Variants in KCNIP3 observed in about 807,000 individuals in gnomAD.
The protein encoded by KCNIP3 is calsenilin.
Under a neutral mutation model 35.0 loss-of-function variants are expected in KCNIP3, and 28 were observed. The observed-to-expected ratio is 0.80, with a 90% CI of 0.59 to 1.10. The LOEUF is 1.10. KCNIP3 is among the 50% of genes least tolerant of loss of function. The pLI, the probability that KCNIP3 is intolerant of heterozygous loss-of-function variation, is 0.00. For missense variants in KCNIP3, 295 were observed against 338.4 expected (o/e 0.87, Z 1.01); for synonymous variants, 134 against 133.8 (o/e 1.00, Z -0.01).
chr2:95,381,771 C>A, intron 6 of KCNIP3, 68 bp downstream of exon 6: 2 of 1,054,994 alleles, frequency 1.9e-6, no homozygotes, highest in Non-Finnish European at 2.9e-6. Flanking sequence ...TCCCGCCGCT[C>A]TTCCTCTCCC....
In KCNIP3 at chr2:95,345,362, C is replaced by G. The variant is rs191073496; in HGVS notation, c.182-28934C>G. Among the ~76,000 whole-genome samples the G allele has an allele frequency of 2.0e-3, 299 of 152,368 alleles. 1 individual carries two copies. Among genetic ancestry groups the G allele is most frequent in the Admixed American group, 3.3e-3 (50 of 15,312 alleles). ...CGGGGGGAGCCCTTTAAGAATCACACGTAAGCTCAAAGGCTTGGCACACGT... is the reference window on the plus strand; with the variant it reads ...CGGGGGGAGCCCTTTAAGAATCACAGGTAAGCTCAAAGGCTTGGCACACGT... On this transcript the variant is annotated intron_variant, in intron 2 of 8. Transcript: ENST00000295225.
chr2:95,364,582 C>A (rs1284940725), intron 2 of KCNIP3, among the ~76,000 whole-genome samples: 1 of 152,174 alleles, frequency 6.6e-6, no homozygotes, highest in Non-Finnish European at 1.5e-5. Flanking sequence ...GGCCCAGCAC[C>A]ATGCTCATGG....
At chr2:95,310,232 G>A (rs773478438) in intron 1 of KCNIP3, 123 bp from the exon 2 acceptor site, 16 of 1,174,846 alleles carry the variant, frequency 1.4e-5, no homozygotes, top group Middle Eastern at 1.9e-4. Flanking sequence ...ATGCAGCCCC[G>A]GAAGGTGAGC....
chr2:95,363,805 G>T (rs1344299940), intron 2 of KCNIP3, among the ~76,000 whole-genome samples: 1 of 152,148 alleles, frequency 6.6e-6, no homozygotes, highest in Admixed American at 6.5e-5. Context: ...GCTATTGTGA[G>T]TGTTTATCTT....
chr2:95,381,944 G>A (rs1285810447), intron 6 of KCNIP3, among the ~76,000 whole-genome samples: 1 of 152,200 alleles, frequency 6.6e-6, no homozygotes, highest in Non-Finnish European at 1.5e-5. Context: ...CTCAGCAAGT[G>A]TTCTCGGTCA....
chr2:95,329,322 G>A (rs532723050), intron 2 of KCNIP3, among the ~76,000 whole-genome samples: 83 of 152,196 alleles, frequency 5.5e-4, no homozygotes, highest in Non-Finnish European at 1.1e-3. Context: ...CTTCGACTAA[G>A]CCAAAGGTCT....
At position 95,382,332 on chromosome 2, in the gene KCNIP3, G is replaced by A; in HGVS notation, c.556-45G>A. The A allele has an allele frequency of 5.8e-6, 8 of 1,390,664 alleles. No homozygotes were observed. Among genetic ancestry groups the A allele is most frequent in the Non-Finnish European group, 7.8e-6 (8 of 1,021,786 alleles). The allele number at this position is 1,390,664 out of a possible 1,614,324, so 86.1% of individuals were successfully genotyped here. On this transcript the variant is annotated intron_variant, in intron 6 of 8. Coordinates refer to ENST00000295225, the MANE Select transcript of KCNIP3 (RefSeq NM_013434.5). The surrounding 1 kb of genome is among the most constrained non-coding windows in gnomAD (Gnocchi z 4.5). ...CGCCCGCTCCCTTTGGGCCCTCACAGCCACCCCGGCCTTGCAGCAGGCTCA... is the reference window on the plus strand; with the variant it reads ...CGCCCGCTCCCTTTGGGCCCTCACAACCACCCCGGCCTTGCAGCAGGCTCA...
intron 2 of KCNIP3, among the ~76,000 whole-genome samples, chr2:95,339,761 C>T (rs1679148574): frequency 2.0e-5 from 3 of 152,144 alleles, no homozygotes; most frequent in Non-Finnish European, 2.9e-5. Flanking sequence ...CTCTTTCCAC[C>T]TCTATTTCCA....
chr2:95,372,671 C>T (rs1005176862), intron 2 of KCNIP3, among the ~76,000 whole-genome samples: 4 of 152,124 alleles, frequency 2.6e-5, no homozygotes, highest in African/African-American at 9.7e-5. Context: ...GGCGTGCAGA[C>T]GTCTGGGCCA....
At chr2:95,315,656 C>A (rs921321204) in intron 2 of KCNIP3, among the ~76,000 whole-genome samples, 1 of 152,228 alleles carries the variant, frequency 6.6e-6, no homozygotes, top group Non-Finnish European at 1.5e-5. Flanking sequence ...CCCTTCTCCA[C>A]GTCCTTCCCC....
intron 2 of KCNIP3, among the ~76,000 whole-genome samples, chr2:95,324,009 A>T (rs1176106069): frequency 6.6e-6 from 1 of 152,108 alleles, no homozygotes; most frequent in African/African-American, 2.4e-5. Flanking sequence ...TGGGGCGGGG[A>T]GGCAGAGGGA....
chr2:95,316,803 T>G (rs565897279), intron 2 of KCNIP3, among the ~76,000 whole-genome samples: 1 of 152,250 alleles, frequency 6.6e-6, no homozygotes, highest in East Asian at 1.9e-4. Flanking sequence ...CTGGTGAAAC[T>G]CAGGAAGAAT....
chr2:95,383,428 C>A, intron 8 of KCNIP3, 134 bp downstream of exon 8: 1 of 879,276 alleles, frequency 1.1e-6, no homozygotes, highest in Non-Finnish European at 1.8e-6. Flanking sequence ...TCCTTGGCCC[C>A]TTGCCACCTC....
rs1357072849 is a variant in KCNIP3, at chr2:95,383,283, G to T, written c.712G>T (p.Ala238Ser). The change falls in exon 8 of 9, where the codon GCC (alanine) becomes TCC (serine). Residue 238 changes from alanine (A) to serine (S), a missense_variant. By Grantham distance (99) the Ala-to-Ser change is moderately conservative. Coordinates refer to ENST00000295225, the MANE Select transcript of KCNIP3 (RefSeq NM_013434.5). Reference sequence around the variant, plus strand: ...AGTGACCATTGAAGAGTTCCTGGAGGCCTGTCAGAAGGTAGGTGGCACGGG... The same window carrying T: ...AGTGACCATTGAAGAGTTCCTGGAGTCCTGTCAGAAGGTAGGTGGCACGGG... ...GVVTIEEFLE[A>S]CQKDENIMSS... 20 of 1,613,614 alleles carry T rather than the reference G, an allele frequency of 1.2e-5. No individual in the cohort carries two copies. Among genetic ancestry groups the T allele is most frequent in the Non-Finnish European group, 1.7e-5 (20 of 1,179,846 alleles).
At chr2:95,345,770 G>A (rs1370749259) in intron 2 of KCNIP3, among the ~76,000 whole-genome samples, 1 of 152,260 alleles carries the variant, frequency 6.6e-6, no homozygotes, top group Non-Finnish European at 1.5e-5. Flanking sequence ...AGGACCCCGG[G>A]CTCCGCCCGG....
rs184422356 is a variant in KCNIP3, at chr2:95,367,426, T to C, written c.182-6870T>C. ...AAAAAAACTCTTGCTGGGATTTTGA[T>C]AGGAATTGTATGAAATCTGTGAATC... On this transcript the variant is annotated intron_variant, in intron 2 of 8. Coordinates refer to ENST00000295225, the MANE Select transcript of KCNIP3 (RefSeq NM_013434.5). Among the ~76,000 whole-genome samples the C allele has an allele frequency of 1.5e-3, 234 of 152,350 alleles. 1 individual carries two copies. Among genetic ancestry groups the C allele is most frequent in the Middle Eastern group, 3.4e-3 (1 of 292 alleles).
intron 2 of KCNIP3, among the ~76,000 whole-genome samples, chr2:95,325,760 CAT>C (rs1678736300): frequency 1.3e-5 from 2 of 151,892 alleles, no homozygotes; most frequent in Non-Finnish European, 2.9e-5. Context: ...CTCATACACA[CAT>C]ACACACTCAT....
chr2:95,348,875 G>A (rs1182384951), intron 2 of KCNIP3, among the ~76,000 whole-genome samples: 3 of 152,238 alleles, frequency 2.0e-5, no homozygotes, highest in South Asian at 4.1e-4. Context: ...TTAAACAGTC[G>A]AAGCCTCAGT....
At position 95,310,388 on chromosome 2, in the gene KCNIP3, G is replaced by A. The variant is rs751432482; in HGVS notation, c.49G>A (p.Gly17Arg). The part of the protein sequence containing the change: ...VTKASDGSLL[G>R]DLGHTPLSKK... The stretch of plus-strand genomic sequence containing the variant: ...AAAGGCGTCGGACGGCAGCCTCCTG[G>A]GGGACCTCGGGCACACACCACTTAG... The change falls in exon 2 of 9, where the codon GGG becomes AGG. Residue 17 changes from glycine to arginine, a missense_variant. Gly to Arg is a moderately radical substitution (Grantham distance 125). Transcript: ENST00000295225. The A allele has an allele frequency of 1.9e-6, 3 of 1,612,672 alleles. No individual in the cohort carries two copies. The highest frequency in any genetic ancestry group is 2.7e-5 in the African/African-American group (2 of 75,028).
Sources: gnomAD v4.1 joint callset for allele counts (sites outside exome capture counted in the v4.1 genomes callset) on GRCh38, gnomAD v4.1.1 for gene constraint, Gnocchi (gnomAD v3.1) non-coding constraint, MANE v1.5 for transcripts, NCBI Gene and HGNC (gene_info 2026-07-23, HGNC 2026-07-21) for gene names.